The following NOVA1 variants were observed in gnomAD, a reference collection of about 807,000 sequenced individuals.
NOVA1 encodes the protein NOVA alternative splicing regulator 1, also known as RNA-binding protein Nova-1.
NOVA1 carries 7 observed loss-of-function variants against 38.0 expected under a neutral mutation model. That is an observed-to-expected ratio of 0.18 (90% CI 0.10 to 0.35). The LOEUF (loss-of-function observed/expected upper bound fraction) is 0.35. Ranked by LOEUF, NOVA1 falls within the 10% of genes least tolerant of loss-of-function variation. The probability of loss-of-function intolerance (pLI) is 1.00; values close to 1 mark genes in which losing one functional copy is unlikely to be tolerated. For synonymous variants in NOVA1, 270 were observed against 232.5 expected (o/e 1.16, Z -1.47); for missense variants, 460 against 616.0 (o/e 0.75, Z 2.68).
intron 2 of NOVA1, among the ~76,000 whole-genome samples, chr14:26,531,006 C>A (rs779410023): frequency 6.6e-6 from 1 of 152,094 alleles, no homozygotes; most frequent in South Asian, 2.1e-4. Flanking sequence ...TCATTCTATA[C>A]AGAATGTTAG....
chr14:26,501,740 A>G (rs1380687092), intron 2 of NOVA1, among the ~76,000 whole-genome samples: 1 of 151,966 alleles, frequency 6.6e-6, no homozygotes, highest in Non-Finnish European at 1.5e-5. Context: ...TTGGTACAAA[A>G]GATTTTAAAC....
At chr14:26,573,942 A>G (rs1885077) in intron 2 of NOVA1, among the ~76,000 whole-genome samples, 1,804 of 152,222 alleles carry the variant, frequency 0.012, 74 homozygotes, top group Admixed American at 0.078. Context: ...AAAGTGCAAG[A>G]CAATAAAAAC....
intron 2 of NOVA1, among the ~76,000 whole-genome samples, chr14:26,589,173 G>A (rs1893698875): frequency 6.6e-6 from 1 of 151,516 alleles, no homozygotes; most frequent in African/African-American, 2.4e-5. Context: ...TTTTAAGATA[G>A]TACAGACTTT....
At chr14:26,590,028 G>C (rs1893750221) in intron 2 of NOVA1, among the ~76,000 whole-genome samples, 1 of 151,852 alleles carries the variant, frequency 6.6e-6, no homozygotes. Flanking sequence ...TGCAATGTGA[G>C]ATACACACTG....
rs533346353 is a variant in NOVA1, at chr14:26,575,477, T to C, written c.280+19933A>G. Among the ~76,000 whole-genome samples, 6 of 152,288 alleles carry C rather than the reference T, an allele frequency of 3.9e-5. No homozygotes were observed. In the East Asian group the frequency reaches 9.6e-4, roughly 24 times the overall value. On this transcript the variant is annotated intron_variant, in intron 2 of 4. Transcript: ENST00000539517. Reference sequence around the variant, plus strand: ...AATAACCACGAAAAATAAAATGTTTTAAGTCACAGATTTTAAGCTTTAATA... The same window carrying C: ...AATAACCACGAAAAATAAAATGTTTCAAGTCACAGATTTTAAGCTTTAATA...
chr14:26,484,162 C>T (rs1473127863), intron 2 of NOVA1, among the ~76,000 whole-genome samples: 4 of 151,774 alleles, frequency 2.6e-5, no homozygotes, highest in Admixed American at 6.6e-5. Flanking sequence ...TGGCCGGGTG[C>T]GGTGGCTCAC....
chr14:26,594,883 TA>T (rs1350802226), intron 2 of NOVA1, among the ~76,000 whole-genome samples: 2 of 152,142 alleles, frequency 1.3e-5, no homozygotes, highest in Non-Finnish European at 2.9e-5. Flanking sequence ...TCAATTGCAT[TA>T]AAACTGCAAT....
In NOVA1 at chr14:26,574,289, G is replaced by A. The variant is rs990545058; in HGVS notation, c.280+21121C>T. On this transcript the variant is annotated intron_variant, in intron 2 of 4. Transcript: ENST00000539517. ...TCCACCCCCCCCCCCCCGCCCCCTC[G>A]GCCTCCCAAAGTGCTGGGATTACAG... Among the ~76,000 whole-genome samples, 45 of 48,480 alleles carry A rather than the reference G, an allele frequency of 9.3e-4. 1 individual carries two copies. Among genetic ancestry groups the A allele is most frequent in the African/African-American group, 4.7e-3 (44 of 9,426 alleles). 31.8% of individuals were successfully genotyped at this position (48,480 alleles called of 152,430 possible). A position where few individuals can be genotyped will look rare whatever the true frequency, so the allele number is the denominator to read the frequency against.
chr14:26,478,467 G>A (rs1885168713), intron 3 of NOVA1, among the ~76,000 whole-genome samples: 1 of 151,900 alleles, frequency 6.6e-6, no homozygotes, highest in African/African-American at 2.4e-5. Flanking sequence ...TTATAGGCTG[G>A]ATTAAGGCAG....
At chr14:26,470,111 C>A (rs1271286617) in intron 4 of NOVA1, 2 of 606,890 alleles carry the variant, frequency 3.3e-6, no homozygotes, top group African/African-American at 1.9e-5. Context: ...CAAACTTACT[C>A]TTTGAATAGT....
Position 26,531,382 on chromosome 14 carries a change from C to T in NOVA1, c.281-51239G>A, listed in dbSNP as rs555884916. On this transcript the variant is annotated intron_variant, in intron 2 of 4. Coordinates refer to ENST00000539517, the MANE Select transcript of NOVA1 (RefSeq NM_002515.3). The stretch of plus-strand genomic sequence containing the variant: ...CAGCACTTTGGGAGGCTGAGGCAGG[C>T]AGATCACCTGAGGTCGGGAGTTTGA... Among the ~76,000 whole-genome samples, 39 of 152,210 alleles carry T rather than the reference C, an allele frequency of 2.6e-4. No individual in the cohort carries two copies. In the South Asian group the frequency reaches 8.1e-3, roughly 32 times the overall value.
At chr14:26,470,257 G>T in intron 4 of NOVA1, 1 of 1,237,348 alleles carries the variant, frequency 8.1e-7, no homozygotes, top group Non-Finnish European at 1.1e-6. Context: ...AGTCAGTATA[G>T]CAAAGCTAAA....
chr14:26,453,609 G>C (rs1384105365), intron 4 of NOVA1, among the ~76,000 whole-genome samples: 3 of 151,860 alleles, frequency 2.0e-5, no homozygotes, highest in Non-Finnish European at 4.4e-5. Flanking sequence ...TTTTAATATT[G>C]ATATGTTTCT....
chr14:26,454,918 C>T (rs1413491330), intron 4 of NOVA1, among the ~76,000 whole-genome samples: 4 of 152,068 alleles, frequency 2.6e-5, no homozygotes, highest in Admixed American at 2.6e-4. Context: ...ATACATGTGC[C>T]ATTTTGGGGA....
In NOVA1 at chr14:26,597,729, AG is replaced by A; in HGVS notation, c.-294del. The A allele has an allele frequency of 2.0e-6, 2 of 1,023,810 alleles. No individual in the cohort carries two copies. The highest frequency in any genetic ancestry group is 2.3e-6 in the Non-Finnish European group (2 of 857,072). 63.4% of individuals were successfully genotyped at this position (1,023,810 alleles called of 1,614,324 possible). A position where few individuals can be genotyped will look rare whatever the true frequency, so the allele number is the denominator to read the frequency against. Reference sequence around the variant, plus strand: ...GTGAAAGAAGAAGAAGAAAGGAGACAGGGGGAGAGAGTGGAGAAGGGAGAGG... The same window carrying A: ...GTGAAAGAAGAAGAAGAAAGGAGACAGGGGAGAGAGTGGAGAAGGGAGAGG... On this transcript the variant is annotated 5_prime_UTR_variant, in exon 1 of 5. Coordinates refer to ENST00000539517, the MANE Select transcript of NOVA1 (RefSeq NM_002515.3).
chr14:26,453,239 C>T (rs1268383095), intron 4 of NOVA1, among the ~76,000 whole-genome samples: 2 of 150,782 alleles, frequency 1.3e-5, no homozygotes, highest in Non-Finnish European at 1.5e-5. Flanking sequence ...GGGGGGTCTC[C>T]CTTTGCCACC....
chr14:26,511,893 C>A (rs1292450761), intron 2 of NOVA1, among the ~76,000 whole-genome samples: 1 of 151,890 alleles, frequency 6.6e-6, no homozygotes, highest in Non-Finnish European at 1.5e-5. Flanking sequence ...AAATACTGAC[C>A]GAAATATCAT....
intron 2 of NOVA1, among the ~76,000 whole-genome samples, chr14:26,495,422 T>C (rs952367505): frequency 2.6e-5 from 4 of 152,208 alleles, no homozygotes; most frequent in Admixed American, 6.5e-5. Context: ...ACTTAGCAAG[T>C]TGTTAACAAA....
intron 2 of NOVA1, chr14:26,593,951 C>T (rs1358043148): frequency 2.0e-5 from 3 of 151,990 alleles, no homozygotes; most frequent in Admixed American, 2.0e-4. Flanking sequence ...AGCTCTTTTC[C>T]TAGAACTATC....
Sources: allele counts gnomAD v4.1 joint callset (sites outside exome capture counted in the v4.1 genomes callset), GRCh38; gene constraint gnomAD v4.1.1; transcripts MANE v1.5; gene names NCBI Gene and HGNC (gene_info 2026-07-23, HGNC 2026-07-21).